PHACTR2: variants seen among roughly 807,000 people sequenced by gnomAD.
The protein encoded by PHACTR2 is chromosome 6 open reading frame 56.
In PHACTR2, 30 loss-of-function variants were observed where a neutral mutation model predicts 76.0. The observed-to-expected ratio is 0.39, with a 90% CI of 0.30 to 0.54. The LOEUF (loss-of-function observed/expected upper bound fraction) is 0.54, where lower values mean the gene tolerates loss of function less well. Among genes scored for constraint, PHACTR2 ranks in the 20% least tolerant of loss-of-function variants. The pLI is 0.61. For missense variants in PHACTR2, 696 were observed against 781.1 expected, an observed-to-expected ratio of 0.89 and a Z score of 1.30; for synonymous variants, 292 against 292.5, an observed-to-expected ratio of 1.00 and a Z score of 0.02.
At chr6:143,582,475 T>G (rs1254600357) in intron 1 of PHACTR2, among the ~76,000 whole-genome samples, 1 of 152,160 alleles carries the variant, frequency 6.6e-6, no homozygotes, top group Non-Finnish European at 1.5e-5. Flanking sequence ...GCTTAAAAAC[T>G]GTCATTCATT....
At position 143,764,038 on chromosome 6, in the gene PHACTR2, T is replaced by G. The variant is rs1779498009; in HGVS notation, c.695-1223T>G. 6.6e-6 allele frequency among the ~76,000 whole-genome samples: 1 copy of G among 152,198 alleles called. No homozygotes were observed. Among genetic ancestry groups the G allele is most frequent in the African/African-American group, 2.4e-5 (1 of 41,450 alleles). On this transcript the variant is annotated intron_variant, in intron 5 of 12. Coordinates refer to ENST00000440869, the MANE Select transcript of PHACTR2 (RefSeq NM_001100164.2). The surrounding 1 kb of genome is among the most constrained non-coding windows in gnomAD (Gnocchi z 4.7). ...TACTAAGATGACATAAAGAAAAAAG[T>G]AGTTAATCTTTTTGTTTTGAAACTG...
rs967854956 is a variant in PHACTR2, at chr6:143,787,736, G to A, written c.1708-1037G>A. The stretch of plus-strand genomic sequence containing the variant: ...AAGACCAGCCTGAGCAACATAGAGA[G>A]ACCCCCCACCCACTCTGTTTAAATA... On this transcript the variant is annotated intron_variant, in intron 10 of 12. Transcript: ENST00000440869. This position sits in a 1 kb window ranked among gnomAD's most constrained non-coding sequence, Gnocchi z 4.6. Among the ~76,000 whole-genome samples, 1 of 151,868 alleles carries A rather than the reference G, an allele frequency of 6.6e-6. No individual in the cohort carries two copies. The highest frequency in any genetic ancestry group is 2.4e-5 in the African/African-American group (1 of 41,330).
In PHACTR2 at chr6:143,550,690, T is replaced by TA. The variant is rs1437732809; in HGVS notation, c.217+13484dup. On this transcript the variant is annotated intron_variant, in intron 1 of 11. Coordinates refer to the PHACTR2 transcript ENST00000367584. This position sits in a 1 kb window ranked among gnomAD's most constrained non-coding sequence, Gnocchi z 4.8. ...CTAGTGTCCAGTGTCTAGAGGACTG[T>TA]ACAATTAAGAGGCGGGAATAGATTT... 1.3e-5 allele frequency among the ~76,000 whole-genome samples: 2 copies of TA among 151,868 alleles called. No individual in the cohort carries two copies. Among genetic ancestry groups the TA allele is most frequent in the Admixed American group, 6.6e-5 (1 of 15,224 alleles).
At chr6:143,576,040 T>C (rs966035485) in intron 1 of PHACTR2, among the ~76,000 whole-genome samples, 7 of 152,368 alleles carry the variant, frequency 4.6e-5, no homozygotes, top group Admixed American at 3.3e-4. Context: ...AATTGAATCT[T>C]TTCTAAATTG....
At chr6:143,748,944 G>A in intron 2 of PHACTR2, 41 bp from the exon 3 acceptor site, 1 of 994,660 alleles carries the variant, frequency 1.0e-6, no homozygotes, top group East Asian at 2.4e-5. Flanking sequence ...ATTATCTTAA[G>A]GAATGACTTG....
chr6:143,771,204 A>G lies in PHACTR2; in HGVS notation c.1233-1054A>G, dbSNP rs1275523120. Among the ~76,000 whole-genome samples the G allele has an allele frequency of 2.4e-3, 180 of 74,530 alleles. 5 individuals carry two copies. The highest frequency in any genetic ancestry group is 2.8e-3 in the Non-Finnish European group (119 of 42,958). The allele number at this position is 74,530 out of a possible 152,430, so 48.9% of individuals were successfully genotyped here. On this transcript the variant is annotated intron_variant, in intron 6 of 12. Transcript: ENST00000440869. The stretch of plus-strand genomic sequence containing the variant: ...TATATATATATGTGTGTATATATAT[A>G]TATATATATATATATATATATATAT...
At chr6:143,778,829 G>A (rs1038238035) in intron 9 of PHACTR2, among the ~76,000 whole-genome samples, 4 of 152,090 alleles carry the variant, frequency 2.6e-5, no homozygotes, top group Admixed American at 2.0e-4. Context: ...ATTCTTTCTT[G>A]ATCCTGTGAG....
At chr6:143,657,554 G>A (rs974990586) in intron 1 of PHACTR2, among the ~76,000 whole-genome samples, 6 of 152,244 alleles carry the variant, frequency 3.9e-5, no homozygotes, top group Admixed American at 1.3e-4. Context: ...GTAGTTTCTC[G>A]CAGGTTGTAT....
chr6:143,790,736 C>T (rs1244171780), intron 11 of PHACTR2, among the ~76,000 whole-genome samples: 5 of 149,490 alleles, frequency 3.3e-5, no homozygotes, highest in Non-Finnish European at 5.9e-5. Flanking sequence ...TGCTGTGGCT[C>T]GATCTCAGCT....
At position 143,760,393 on chromosome 6, in the gene PHACTR2, G is replaced by C; in HGVS notation, c.455-8G>C. 2.5e-6 allele frequency: 4 copies of C among 1,602,262 alleles called. No homozygotes were observed. The highest frequency in any genetic ancestry group is 3.4e-6 in the Non-Finnish European group (4 of 1,174,016). On this transcript the variant is annotated splice_polypyrimidine_tract_variant and splice_region_variant and intron_variant, in intron 4 of 12. Transcript: ENST00000440869. This position sits in a 1 kb window ranked among gnomAD's most constrained non-coding sequence, Gnocchi z 6.4. Reference sequence around the variant, plus strand: ...TCAGTCTGCTTCTGTTCACTTTCTCGTTTATAGAGAACACTGAAAACCACT... The same window carrying C: ...TCAGTCTGCTTCTGTTCACTTTCTCCTTTATAGAGAACACTGAAAACCACT...
rs142263903 is a variant in PHACTR2, at chr6:143,572,618, T to C, written c.217+35411T>C. 2.0e-4 allele frequency among the ~76,000 whole-genome samples: 30 copies of C among 152,308 alleles called. No individual in the cohort carries two copies. In the East Asian group the frequency reaches 5.6e-3, roughly 28 times the overall value. On this transcript the variant is annotated intron_variant, in intron 1 of 11. Transcript: ENST00000367584. Reference sequence around the variant, plus strand: ...CCCAGGTTGGAGTGCAGTGGCACGATCTAGGCTCATTGCAACCTCCACCTC... The same window carrying C: ...CCCAGGTTGGAGTGCAGTGGCACGACCTAGGCTCATTGCAACCTCCACCTC...
Position 143,678,003 on chromosome 6 carries a change from C to G in PHACTR2, c.-161C>G, listed in dbSNP as rs577688993. ...GATCCGCCGCGCCGGCTGCGGCCGG[C>G]CGGGCTGGGAGACCCGCGCGGGGTA... On this transcript the variant is annotated 5_prime_UTR_variant, in exon 1 of 13. Coordinates refer to ENST00000440869, the MANE Select transcript of PHACTR2 (RefSeq NM_001100164.2). This position sits in a 1 kb window ranked among gnomAD's most constrained non-coding sequence, Gnocchi z 6.2. 1,319 of 1,451,368 alleles carry G rather than the reference C, an allele frequency of 9.1e-4. 17 individuals are homozygous for G. In the African/African-American group the frequency reaches 0.015, roughly 17 times the overall value. 89.9% of individuals were successfully genotyped at this position (1,451,368 alleles called of 1,614,324 possible).
chr6:143,652,536 T>C lies in PHACTR2; in HGVS notation c.13+44214T>C, dbSNP rs1161773001. ...TTTCCCTGTGAGACGTGTGAATGCCTTGTGGATATTTGTGAGTACACTTAA... is the reference window on the plus strand; with the variant it reads ...TTTCCCTGTGAGACGTGTGAATGCCCTGTGGATATTTGTGAGTACACTTAA... On this transcript the variant is annotated intron_variant, in intron 1 of 11. Transcript: ENST00000305766. This position sits in a 1 kb window ranked among gnomAD's most constrained non-coding sequence, Gnocchi z 4.5. Among the ~76,000 whole-genome samples, 1 of 152,248 alleles carries C rather than the reference T, an allele frequency of 6.6e-6. No homozygotes were observed. Among genetic ancestry groups the C allele is most frequent in the African/African-American group, 2.4e-5 (1 of 41,470 alleles).
rs1401320342 is a variant in PHACTR2 at position 143,557,469 on chromosome 6, T to C, written c.217+20262T>C. 1 of 152,110 alleles carries C rather than the reference T, an allele frequency of 6.6e-6. No homozygotes were observed. 9.4% of individuals were successfully genotyped at this position (152,110 alleles called of 1,614,324 possible). ...GCTGGAACTGGAGCTTTGGGTGGGATTGGGGAAGGAGGGAAGAGAAGGTCT... is the reference window on the plus strand; with the variant it reads ...GCTGGAACTGGAGCTTTGGGTGGGACTGGGGAAGGAGGGAAGAGAAGGTCT... On this transcript the variant is annotated intron_variant, in intron 1 of 11. Coordinates refer to the PHACTR2 transcript ENST00000367584. This position sits in a 1 kb window ranked among gnomAD's most constrained non-coding sequence, Gnocchi z 5.5.
chr6:143,802,098 C>T (rs563105232), intron 11 of PHACTR2, among the ~76,000 whole-genome samples: 1 of 152,274 alleles, frequency 6.6e-6, no homozygotes, highest in African/African-American at 2.4e-5. Flanking sequence ...TCACCACTGG[C>T]CAATTTTAAA....
Position 143,818,590 on chromosome 6 carries a change from G to C in PHACTR2, c.1923-5084G>C, listed in dbSNP as rs889315605. On this transcript the variant is annotated intron_variant, in intron 12 of 12. Coordinates refer to ENST00000440869, the MANE Select transcript of PHACTR2 (RefSeq NM_001100164.2). The surrounding 1 kb of genome is among the most constrained non-coding windows in gnomAD (Gnocchi z 4.9). ...GACTGGGTAATTTATAAAGGAAAGA[G>C]ATTTAATTGACTCACAGTTCCATGT... is the stretch of plus-strand genomic sequence containing the variant. Among the ~76,000 whole-genome samples, 2 of 152,200 alleles carry C rather than the reference G, an allele frequency of 1.3e-5. No individual in the cohort carries two copies. The highest frequency in any genetic ancestry group is 2.9e-5 in the Non-Finnish European group (2 of 68,044).
rs1417920399 is a variant in PHACTR2 at position 143,760,255 on chromosome 6, A to T, written c.455-146A>T. On this transcript the variant is annotated intron_variant, in intron 4 of 12. Transcript: ENST00000440869. The surrounding 1 kb of genome is among the most constrained non-coding windows in gnomAD (Gnocchi z 6.4). The stretch of plus-strand genomic sequence containing the variant: ...CTTTCAGCCTTTGTTTTCACCCTAA[A>T]CTGTGCTCTGTCTGGTGCAGAACTC... 2 of 684,492 alleles carry T rather than the reference A, an allele frequency of 2.9e-6. No individual in the cohort carries two copies. The highest frequency in any genetic ancestry group is 3.6e-4 in the Middle Eastern group (1 of 2,804). 42.4% of individuals were successfully genotyped at this position (684,492 alleles called of 1,614,324 possible).
intron 1 of PHACTR2, among the ~76,000 whole-genome samples, chr6:143,542,477 T>C (rs951917610): frequency 1.3e-5 from 2 of 152,174 alleles, no homozygotes; most frequent in Non-Finnish European, 2.9e-5. Flanking sequence ...CAGAGAGTTG[T>C]CAGGAATTGA....
chr6:143,630,493 T>C (rs1776345547), intron 1 of PHACTR2, among the ~76,000 whole-genome samples: 1 of 152,172 alleles, frequency 6.6e-6, no homozygotes, highest in Admixed American at 6.5e-5. Flanking sequence ...AAAAGTGTTG[T>C]GATAACTGTT....
Sources: allele counts gnomAD v4.1 joint callset (sites outside exome capture counted in the v4.1 genomes callset), GRCh38; gene constraint gnomAD v4.1.1; non-coding constraint Gnocchi (gnomAD v3.1); transcripts MANE v1.5; gene names NCBI Gene and HGNC (gene_info 2026-07-23, HGNC 2026-07-21).